The following MARCHF1 variants were observed in gnomAD, a reference collection of about 807,000 sequenced individuals.
MARCHF1 encodes E3 ubiquitin-protein ligase MARCHF1.
In MARCHF1, 40 loss-of-function variants were observed where a neutral mutation model predicts 54.2. The ratio of observed to expected loss-of-function variants is 0.74; its 90% CI spans 0.57 to 0.96. The LOEUF is 0.96. Among genes scored for constraint, MARCHF1 ranks in the 40% least tolerant of loss-of-function variants. The probability of loss-of-function intolerance (pLI) is 0.00; values close to 1 mark genes in which losing one functional copy is unlikely to be tolerated. For missense variants in MARCHF1, 586 were observed against 656.5 expected (o/e 0.89, Z 1.17); for synonymous variants, 236 against 236.3 (o/e 1.00, Z 0.01).
intron 9 of MARCHF1, among the ~76,000 whole-genome samples, chr4:163,538,141 G>A (rs77573346): frequency 0.017 from 2,533 of 152,206 alleles, 64 homozygotes; most frequent in African/African-American, 0.057. Context: ...TTTAAAGAGC[G>A]AGTGAAAACA....
intron 2 of MARCHF1, among the ~76,000 whole-genome samples, chr4:164,044,724 T>C (rs1754204644): frequency 6.6e-6 from 1 of 152,152 alleles, no homozygotes; most frequent in African/African-American, 2.4e-5. Flanking sequence ...AGTGAGAGTC[T>C]ATAGTGTTTA....
intron 5 of MARCHF1, among the ~76,000 whole-genome samples, chr4:163,635,421 G>T (rs896221826): frequency 6.7e-6 from 1 of 150,076 alleles, no homozygotes; most frequent in African/African-American, 2.5e-5. Flanking sequence ...TATCACCACC[G>T]ATCCCACAGA....
intron 2 of MARCHF1, among the ~76,000 whole-genome samples, chr4:164,046,758 G>A (rs551233836): frequency 1.3e-5 from 2 of 152,262 alleles, no homozygotes; most frequent in South Asian, 4.1e-4. Context: ...GAGGCTTAGT[G>A]AAAGAAACTG....
intron 5 of MARCHF1, among the ~76,000 whole-genome samples, chr4:163,698,294 T>C (rs963315549): frequency 1.3e-5 from 2 of 152,194 alleles, no homozygotes; most frequent in African/African-American, 2.4e-5. Flanking sequence ...CTTAAGTATT[T>C]CTAGATTTGG....
intron 1 of MARCHF1, among the ~76,000 whole-genome samples, chr4:164,380,827 A>G (rs916228292): frequency 6.6e-6 from 1 of 152,190 alleles, no homozygotes; most frequent in Non-Finnish European, 1.5e-5. Flanking sequence ...AAAGGCCTAC[A>G]GGAAAGTGAA....
chr4:164,229,743 T>C (rs1343701746), intron 1 of MARCHF1, among the ~76,000 whole-genome samples: 1 of 151,004 alleles, frequency 6.6e-6, no homozygotes, highest in Non-Finnish European at 1.5e-5. Flanking sequence ...GAAGGGGGAG[T>C]ACAGACTTCA....
rs1298742811 is a variant in MARCHF1, at chr4:164,355,721, C to T, written c.-323+28149G>A. On this transcript the variant is annotated intron_variant, in intron 1 of 9. Transcript: ENST00000514618. ...TAGGCATGGGCAAGGACTTCATGTC[C>T]AAAACACCAAAAGCACTGGCAACAA... Among the ~76,000 whole-genome samples the T allele has an allele frequency of 9.8e-5, 10 of 101,772 alleles. 1 individual carries two copies. Among genetic ancestry groups the T allele is most frequent in the South Asian group, 3.4e-4 (1 of 2,948 alleles). The allele number at this position is 101,772 out of a possible 152,430, so 66.8% of individuals were successfully genotyped here.
At chr4:163,788,621 G>A (rs1747686012) in intron 4 of MARCHF1, among the ~76,000 whole-genome samples, 1 of 151,962 alleles carries the variant, frequency 6.6e-6, no homozygotes, top group Admixed American at 6.6e-5. Context: ...ATTAGATTGG[G>A]GTTATGAATT....
chr4:163,661,189 C>T (rs2111099816), intron 5 of MARCHF1, among the ~76,000 whole-genome samples: 1 of 152,088 alleles, frequency 6.6e-6, no homozygotes, highest in Middle Eastern at 3.4e-3. Context: ...TATTAAGTCA[C>T]CTGCTATGCT....
At chr4:164,139,201 C>A (rs924168585) in intron 1 of MARCHF1, among the ~76,000 whole-genome samples, 2 of 152,012 alleles carry the variant, frequency 1.3e-5, no homozygotes, top group African/African-American at 4.8e-5. Flanking sequence ...AATAAACACA[C>A]ATGAACACCA....
At chr4:164,299,683 C>T (rs1176045272) in intron 1 of MARCHF1, among the ~76,000 whole-genome samples, 1 of 152,128 alleles carries the variant, frequency 6.6e-6, no homozygotes, top group African/African-American at 2.4e-5. Context: ...TTGTTTCAAC[C>T]TATGTTCCAT....
intron 2 of MARCHF1, among the ~76,000 whole-genome samples, chr4:164,104,002 C>T (rs1755633239): frequency 6.6e-6 from 1 of 151,228 alleles, no homozygotes; most frequent in South Asian, 2.1e-4. Context: ...CGCAAATAAA[C>T]TAGAAAATCT....
intron 1 of MARCHF1, among the ~76,000 whole-genome samples, chr4:164,300,465 A>G (rs4404503): frequency 0.033 from 5,024 of 152,230 alleles, 178 homozygotes; most frequent in East Asian, 0.17. Context: ...CCTTTCCAAC[A>G]TTTTGAACAA....
At chr4:164,076,320 G>A (rs1459697909) in intron 2 of MARCHF1, among the ~76,000 whole-genome samples, 1 of 152,038 alleles carries the variant, frequency 6.6e-6, no homozygotes, top group Non-Finnish European at 1.5e-5. Context: ...TGAAGAAAAG[G>A]CCTTCAATAA....
At chr4:163,662,549 C>T (rs1374173466) in intron 5 of MARCHF1, among the ~76,000 whole-genome samples, 9 of 152,050 alleles carry the variant, frequency 5.9e-5, no homozygotes. Flanking sequence ...CAGCCCTCTG[C>T]GGCTTTAGTT....
intron 3 of MARCHF1, among the ~76,000 whole-genome samples, chr4:163,970,130 G>T (rs532674544): frequency 3.7e-4 from 57 of 152,224 alleles, no homozygotes; most frequent in South Asian, 2.1e-3. Flanking sequence ...TAACTTTCAA[G>T]GTTCTCTTCA....
chr4:163,946,221 A>G (rs1378759716), intron 3 of MARCHF1, among the ~76,000 whole-genome samples: 1 of 152,148 alleles, frequency 6.6e-6, no homozygotes, highest in Non-Finnish European at 1.5e-5. Context: ...TATATTTTCT[A>G]CTATGTGCCT....
At chr4:164,143,292 C>T (rs1380111989) in intron 1 of MARCHF1, among the ~76,000 whole-genome samples, 1 of 147,862 alleles carries the variant, frequency 6.8e-6, no homozygotes, top group Non-Finnish European at 1.5e-5. Context: ...GCAAGGCAGG[C>T]CAACGTTCAG....
At chr4:163,825,033 A>T (rs1338265469) in intron 4 of MARCHF1, among the ~76,000 whole-genome samples, 1 of 151,916 alleles carries the variant, frequency 6.6e-6, no homozygotes. Context: ...ACACTTTTAC[A>T]CTGTTGGTGG....
Sources: allele counts gnomAD v4.1 joint callset (sites outside exome capture counted in the v4.1 genomes callset), GRCh38; gene constraint gnomAD v4.1.1; transcripts MANE v1.5; gene names NCBI Gene and HGNC (gene_info 2026-07-23, HGNC 2026-07-21).